The following ZNF7 variants were observed in gnomAD, a reference collection of about 807,000 sequenced individuals.
The protein encoded by ZNF7 is zinc finger protein 7.
A neutral mutation model predicts 12.0 loss-of-function variants in ZNF7; 10 were observed. The observed-to-expected ratio is 0.83, with a 90% CI of 0.51 to 1.42. ZNF7 has a LOEUF of 1.42. ZNF7 is among the 40% of genes most tolerant of loss of function. The probability of loss-of-function intolerance (pLI) is 0.00; values close to 1 mark genes in which losing one functional copy is unlikely to be tolerated. For missense variants in ZNF7, 854 were observed against 837.2 expected, an observed-to-expected ratio of 1.02 and a Z score of -0.25; for synonymous variants, 334 against 295.0, an observed-to-expected ratio of 1.13 and a Z score of -1.35.
At position 144,843,207 on chromosome 8, in the gene ZNF7, T is replaced by C; in HGVS notation, c.*39T>C. The C allele has an allele frequency of 1.3e-6, 2 of 1,521,338 alleles. No homozygotes were observed. Among genetic ancestry groups the C allele is most frequent in the South Asian group, 2.7e-5 (2 of 74,572 alleles). The allele number at this position is 1,521,338 out of a possible 1,614,324, so 94.2% of individuals were successfully genotyped here. On this transcript the variant is annotated 3_prime_UTR_variant, in exon 5 of 5. Coordinates refer to ENST00000532777, the MANE Select transcript of ZNF7 (RefSeq NM_003416.4). Reference sequence around the variant, plus strand: ...AAATGTGTATATATGTGAATAAACCTATAGCCTTAACTTACTTATTTTATA... The same window carrying C: ...AAATGTGTATATATGTGAATAAACCCATAGCCTTAACTTACTTATTTTATA...
chr8:144,843,409 A>C lies in ZNF7; in HGVS notation c.*241A>C, dbSNP rs562256103. On this transcript the variant is annotated 3_prime_UTR_variant, in exon 5 of 5. Coordinates refer to ENST00000532777, the MANE Select transcript of ZNF7 (RefSeq NM_003416.4). ...TTGAGACCATCCTGGGTAACAGGTG[A>C]AACCCCATCTCTACTAAAAATACAA... The C allele has an allele frequency of 1.0e-5, 4 of 400,526 alleles. No individual in the cohort carries two copies. The highest frequency in any genetic ancestry group is 1.7e-5 in the Non-Finnish European group (4 of 228,636). The allele number at this position is 400,526 out of a possible 1,614,324, so 24.8% of individuals were successfully genotyped here. A position where few individuals can be genotyped will look rare whatever the true frequency, so the allele number is the denominator to read the frequency against.
intron 3 of ZNF7, chr8:144,835,173 C>T (rs1275273674): frequency 4.0e-5 from 6 of 150,702 alleles, no homozygotes; most frequent in Non-Finnish European, 8.9e-5. Context: ...GAAGGAAAGT[C>T]TTGGATTAGC....
chr8:144,841,313 A>C (rs1829879948), intron 4 of ZNF7, 42 bp from the exon 5 acceptor site: 1 of 1,545,220 alleles, frequency 6.5e-7, no homozygotes, highest in Admixed American at 1.9e-5. Context: ...CATTTCTCTG[A>C]GCACAGGGCC....
chr8:144,827,885 G>A (rs1431688122), intron 1 of ZNF7: 1 of 168,100 alleles, frequency 5.9e-6, no homozygotes, highest in African/African-American at 2.4e-5. Context: ...TCCGGGGCCT[G>A]AGTAAGGCGA....
At chr8:144,844,419 G>T (rs530556936), downstream of ZNF7, among the ~76,000 whole-genome samples, 2 of 152,204 alleles carry the variant, frequency 1.3e-5, no homozygotes, top group Admixed American at 1.3e-4. Flanking sequence ...TGGAGAAAAA[G>T]ACGAAAATGG....
intron 4 of ZNF7, chr8:144,838,997 C>T (rs1053098061): frequency 6.6e-6 from 1 of 150,504 alleles, no homozygotes; most frequent in South Asian, 2.1e-4. Flanking sequence ...TTCATATGCG[C>T]CTAGGGGCTG....
intron 1 of ZNF7, 133 bp from the exon 2 acceptor site, chr8:144,828,910 G>A (rs1828110532): frequency 8.4e-7 from 1 of 1,193,980 alleles, no homozygotes; most frequent in Non-Finnish European, 1.2e-6. Flanking sequence ...GGCTGCTTCA[G>A]CCCAGCCCCA....
chr8:144,842,330 C>T lies in ZNF7; in HGVS notation c.1223C>T (p.Ala408Val), dbSNP rs1328656800. Residue 408 changes from alanine (A) to valine (V), a missense_variant, in exon 5 of 5, where the codon GCT becomes GTT. Ala to Val is a moderately conservative substitution (Grantham distance 64). Coordinates refer to ENST00000532777, the MANE Select transcript of ZNF7 (RefSeq NM_003416.4). ...CTTGTTGCACATCAGAGAATTCACG[C>T]TGTAGAGAAACCATTTAAGTGTGAT... The part of the protein sequence containing the change: ...PSLVAHQRIH[A>V]VEKPFKCDEC... The T allele has an allele frequency of 6.2e-7, 1 of 1,613,848 alleles. No homozygotes were observed. Among genetic ancestry groups the T allele is most frequent in the African/African-American group, 1.3e-5 (1 of 74,934 alleles).
intron 1 of ZNF7, chr8:144,828,067 C>T (rs1586781577): frequency 6.6e-6 from 1 of 152,300 alleles, no homozygotes. Flanking sequence ...GGCTGTTTGT[C>T]TTCTCTAAAT....
intron 1 of ZNF7, 65 bp downstream of exon 1, chr8:144,827,674 T>G: frequency 1.0e-6 from 1 of 985,280 alleles, no homozygotes; most frequent in Non-Finnish European, 1.2e-6. Context: ...GGTCGCTTCC[T>G]TAGCCCTCCC....
At chr8:144,845,895 A>C, downstream of ZNF7, 1 of 1,366,650 alleles carries the variant, frequency 7.3e-7, no homozygotes, top group Non-Finnish European at 9.9e-7. Flanking sequence ...GCTGCTGAGA[A>C]GGGTCTTGGC....
intron 4 of ZNF7, chr8:144,838,272 C>A: frequency 1.7e-6 from 1 of 602,354 alleles, no homozygotes; most frequent in East Asian, 2.8e-5. Flanking sequence ...CCCCAGTGAC[C>A]TCATGGTGAC....
At chr8:144,834,644 A>G (rs988629009) in intron 3 of ZNF7, 12 of 152,074 alleles carry the variant, frequency 7.9e-5, no homozygotes, top group South Asian at 2.1e-4. Flanking sequence ...ATTTATATAT[A>G]AATTTTGATA....
At chr8:144,841,237 C>G in intron 4 of ZNF7, 118 bp from the exon 5 acceptor site, 1 of 1,012,940 alleles carries the variant, frequency 9.9e-7, no homozygotes, top group Non-Finnish European at 1.4e-6. Flanking sequence ...CCACCTGGGG[C>G]CTCACAGTGC....
intron 3 of ZNF7, chr8:144,835,785 T>A (rs1390815175): frequency 1.3e-5 from 2 of 152,216 alleles, no homozygotes; most frequent in African/African-American, 4.8e-5. Flanking sequence ...GCTTTTTTAA[T>A]TTTTTGAGAC....
intron 1 of ZNF7, 74 bp downstream of exon 1, chr8:144,827,683 C>T (rs1827925127): frequency 3.0e-6 from 3 of 984,928 alleles, no homozygotes; most frequent in Admixed American, 1.2e-4. Flanking sequence ...CTTAGCCCTC[C>T]CGCCTTCGGC....
Position 144,843,346 on chromosome 8 carries a change from T to C in ZNF7, c.*178T>C. 2 of 727,060 alleles carry C rather than the reference T, an allele frequency of 2.8e-6. No homozygotes were observed. The highest frequency in any genetic ancestry group is 4.2e-6 in the Non-Finnish European group (2 of 479,880). 45.0% of individuals were successfully genotyped at this position (727,060 alleles called of 1,614,324 possible). ...GGCTTATGCCTGTCATCCCAGCACT[T>C]TGGGAGGCCAAGGCGGGCACATCAC... On this transcript the variant is annotated 3_prime_UTR_variant, in exon 5 of 5. Transcript: ENST00000532777.
At chr8:144,827,756 G>C (rs1204531040) in intron 1 of ZNF7, 147 bp downstream of exon 1, 19 of 905,888 alleles carry the variant, frequency 2.1e-5, no homozygotes, top group Non-Finnish European at 2.2e-5. Context: ...GCGGGGCCTT[G>C]AGCGCCTGGT....
intron 3 of ZNF7, 60 bp downstream of exon 3, chr8:144,829,664 G>T: frequency 6.5e-7 from 1 of 1,550,068 alleles, no homozygotes; most frequent in African/African-American, 1.4e-5. Context: ...ACCCAGCCAG[G>T]CCTCCATCAG....
Sources: allele counts gnomAD v4.1 joint callset (sites outside exome capture counted in the v4.1 genomes callset), GRCh38; gene constraint gnomAD v4.1.1; transcripts MANE v1.5; gene names NCBI Gene and HGNC (gene_info 2026-07-23, HGNC 2026-07-21).